ERC2: variants seen among roughly 807,000 people sequenced by gnomAD.
The protein encoded by ERC2 is ERC protein 2.
A neutral mutation model predicts 114.8 loss-of-function variants in ERC2; 42 were observed. The ratio of observed to expected loss-of-function variants is 0.37; its 90% CI spans 0.29 to 0.47. The LOEUF (loss-of-function observed/expected upper bound fraction) is 0.47. ERC2 is among the 20% of genes least tolerant of loss of function. The probability of loss-of-function intolerance (pLI) is 0.99; values close to 1 mark genes in which losing one functional copy is unlikely to be tolerated. For missense variants in ERC2, 939 were observed against 1,150.7 expected, an observed-to-expected ratio of 0.82 and a Z score of 2.66; for synonymous variants, 454 against 425.5, an observed-to-expected ratio of 1.07 and a Z score of -0.82.
intron 3 of ERC2, among the ~76,000 whole-genome samples, chr3:56,266,154 G>A (rs1368984975): frequency 4.5e-5 from 5 of 110,940 alleles, no homozygotes; most frequent in Admixed American, 2.1e-4. Flanking sequence ...TTTTTGAGAC[G>A]GAGTCTTGCT....
At chr3:55,970,437 T>C (rs1356013280) in intron 12 of ERC2, among the ~76,000 whole-genome samples, 1 of 151,920 alleles carries the variant, frequency 6.6e-6, no homozygotes, top group South Asian at 2.1e-4. Flanking sequence ...AAACTAACAG[T>C]CATATATTTA....
chr3:56,125,966 C>G (rs1015807383), intron 6 of ERC2, among the ~76,000 whole-genome samples: 1 of 152,126 alleles, frequency 6.6e-6, no homozygotes, highest in Non-Finnish European at 1.5e-5. Flanking sequence ...AAATATCAAA[C>G]ATCGACAAAA....
chr3:55,693,471 G>A (rs372078284), intron 16 of ERC2, among the ~76,000 whole-genome samples: 5 of 152,204 alleles, frequency 3.3e-5, no homozygotes, highest in African/African-American at 1.2e-4. Context: ...GTGACCCAGA[G>A]CAGTTCCCCT....
intron 17 of ERC2, among the ~76,000 whole-genome samples, chr3:55,536,674 C>A (rs1188077944): frequency 1.3e-5 from 2 of 152,194 alleles, no homozygotes; most frequent in East Asian, 3.9e-4. Context: ...AACTTCCTGG[C>A]CCCTGCTAAG....
At chr3:55,831,673 A>G (rs902553166) in intron 14 of ERC2, among the ~76,000 whole-genome samples, 7 of 152,184 alleles carry the variant, frequency 4.6e-5, no homozygotes, top group Admixed American at 2.0e-4. Context: ...AGCTCCCAGC[A>G]TGAGTGACAC....
intron 1 of ERC2, among the ~76,000 whole-genome samples, chr3:56,457,090 C>T (rs2063098595): frequency 6.6e-6 from 1 of 152,228 alleles, no homozygotes; most frequent in East Asian, 1.9e-4. Context: ...CTTTCAGAAG[C>T]TGTACACTAT....
intron 16 of ERC2, among the ~76,000 whole-genome samples, chr3:55,693,421 G>A (rs1336573564): frequency 6.6e-6 from 1 of 152,108 alleles, no homozygotes; most frequent in Non-Finnish European, 1.5e-5. Flanking sequence ...GAGTGAGCAA[G>A]GGAATGTGAG....
intron 17 of ERC2, 135 bp from the exon 18 acceptor site, chr3:55,511,411 G>A (rs1283821016): frequency 6.7e-6 from 1 of 149,820 alleles, no homozygotes; most frequent in Non-Finnish European, 1.5e-5. Flanking sequence ...GGTTGGGTGG[G>A]AGTGGGGAGG....
chr3:55,691,573 A>ATATATATATAT (rs1361667113), intron 16 of ERC2, among the ~76,000 whole-genome samples: 2 of 39,746 alleles, frequency 5.0e-5, no homozygotes, highest in Non-Finnish European at 9.3e-5. Context: ...AAAAAAAAAA[A>ATATATATATAT]ATATATATAT....
intron 14 of ERC2, among the ~76,000 whole-genome samples, chr3:55,739,896 C>T (rs1158361622): frequency 6.6e-6 from 1 of 152,092 alleles, no homozygotes; most frequent in African/African-American, 2.4e-5. Context: ...TTAGGTCTTA[C>T]ATTTCAGTCT....
chr3:56,356,689 C>A (rs2058756949), intron 2 of ERC2, among the ~76,000 whole-genome samples: 1 of 152,114 alleles, frequency 6.6e-6, no homozygotes, highest in South Asian at 2.1e-4. Context: ...GGTCCAAATC[C>A]AAGTGAACCT....
chr3:56,118,636 CTTT>C (rs66888697), intron 6 of ERC2, among the ~76,000 whole-genome samples: 7 of 127,866 alleles, frequency 5.5e-5, no homozygotes, highest in Admixed American at 8.2e-5. Flanking sequence ...TATTCCTTTT[CTTT>C]TTTTTTTTTT....
chr3:56,173,613 G>T, intron 3 of ERC2, 93 bp from the exon 4 acceptor site: 3 of 1,167,474 alleles, frequency 2.6e-6, no homozygotes, highest in Non-Finnish European at 3.7e-6. Flanking sequence ...GCTGGGTCCT[G>T]GTTCCCCTTG....
intron 2 of ERC2, among the ~76,000 whole-genome samples, chr3:56,416,451 G>C (rs1195447736): frequency 6.6e-6 from 1 of 151,936 alleles, no homozygotes; most frequent in African/African-American, 2.4e-5. Flanking sequence ...ATCTTGTTCA[G>C]TTACCACCCT....
At position 56,463,258 on chromosome 3, in the gene ERC2, G is replaced by T. The variant is rs143984431; in HGVS notation, c.-141+4990C>A. Among the ~76,000 whole-genome samples, 500 of 152,212 alleles carry T rather than the reference G, an allele frequency of 3.3e-3. 2 individuals carry two copies. The highest frequency in any genetic ancestry group is 6.8e-3 in the Middle Eastern group (2 of 294). ...GCAAACAAAAAAAAACAAAAACCAT[G>T]GCTTTATCTTCATTGTTGTAGTTGG... On this transcript the variant is annotated intron_variant, in intron 1 of 17. Transcript: ENST00000288221.
chr3:56,338,388 C>A (rs1041165825), intron 2 of ERC2, among the ~76,000 whole-genome samples: 2 of 152,196 alleles, frequency 1.3e-5, no homozygotes, highest in African/African-American at 4.8e-5. Context: ...GAACTGTGGT[C>A]TATGCAGTTA....
chr3:56,073,415 C>A (rs1417066548), intron 7 of ERC2, among the ~76,000 whole-genome samples: 1 of 152,150 alleles, frequency 6.6e-6, no homozygotes, highest in African/African-American at 2.4e-5. Context: ...AGCATCCTCC[C>A]AGCTATAGCA....
chr3:56,196,715 C>T (rs2048128724), intron 3 of ERC2, among the ~76,000 whole-genome samples: 1 of 152,150 alleles, frequency 6.6e-6, no homozygotes, highest in Middle Eastern at 3.2e-3. Context: ...CTCATAAACA[C>T]TTTCATCATC....
intron 2 of ERC2, among the ~76,000 whole-genome samples, chr3:56,371,416 GA>G (rs2059359085): frequency 6.6e-6 from 1 of 152,128 alleles, no homozygotes; most frequent in Non-Finnish European, 1.5e-5. Flanking sequence ...CCCCTTTTTG[GA>G]TTGTAAAGCT....
Sources: allele counts gnomAD v4.1 joint callset (sites outside exome capture counted in the v4.1 genomes callset), GRCh38; gene constraint gnomAD v4.1.1; transcripts MANE v1.5; gene names NCBI Gene and HGNC (gene_info 2026-07-23, HGNC 2026-07-21).